Variants in SAXO4 observed in about 807,000 individuals in gnomAD.
The protein encoded by SAXO4 is protein phosphatase 1 regulatory subunit 32.
the SAXO4 span, chr11:61,490,792 C>T: frequency 8.5e-6 from 5 of 591,260 alleles, no homozygotes; most frequent in Non-Finnish European, 1.2e-5. Context: ...GCTCAGGCCT[C>T]GCCTCTGCTT....
At chr11:61,490,405 T>C in the SAXO4 span, 2 of 1,134,498 alleles carry the variant, frequency 1.8e-6, no homozygotes, top group South Asian at 2.5e-5. Flanking sequence ...GAACCCTGGC[T>C]ATGCTCTCTC....
the SAXO4 span, chr11:61,490,618 C>T: frequency 1.3e-6 from 2 of 1,568,486 alleles, no homozygotes; most frequent in African/African-American, 1.4e-5. Context: ...CTCAGCTGCT[C>T]TGGTTGTGTG....
the SAXO4 span, among the ~76,000 whole-genome samples, chr11:61,488,296 A>G: frequency 7.0e-5 from 9 of 128,202 alleles, no homozygotes; most frequent in Non-Finnish European, 1.4e-4. Flanking sequence ...CAAGAAGTAC[A>G]ATTCCTTTTT....
the SAXO4 span, among the ~76,000 whole-genome samples, chr11:61,490,339 C>T: frequency 1.3e-5 from 2 of 152,178 alleles, no homozygotes; most frequent in Non-Finnish European, 2.9e-5. Flanking sequence ...ACATTTATAT[C>T]AACAATGGCC....
At chr11:61,486,970 CCAG>C in the SAXO4 span, 1 of 1,613,992 alleles carries the variant, frequency 6.2e-7, no homozygotes, top group South Asian at 1.1e-5. Flanking sequence ...TGCCCAGAAC[CCAG>C]CAGCGTGAGT....
At chr11:61,482,356 G>C in the SAXO4 span, 10 of 1,614,044 alleles carry the variant, frequency 6.2e-6, no homozygotes, top group Middle Eastern at 1.6e-4. Flanking sequence ...GTAGGCACCG[G>C]CTACAAATCA....
chr11:61,485,483 GC>G, the SAXO4 span: 1 of 1,278,620 alleles, frequency 7.8e-7, no homozygotes, highest in Non-Finnish European at 1.1e-6. Context: ...CCTGGAGCTG[GC>G]CTAGGACTGA....
chr11:61,489,816 G>A, the SAXO4 span: 1 of 1,613,916 alleles, frequency 6.2e-7, no homozygotes, highest in Non-Finnish European at 8.5e-7. Flanking sequence ...TCTAGACCAG[G>A]AAGGCTGGAC....
the SAXO4 span, among the ~76,000 whole-genome samples, chr11:61,485,012 C>G: frequency 2.3e-4 from 35 of 152,324 alleles, 1 homozygote; most frequent in African/African-American, 8.4e-4. Flanking sequence ...TGGCTTCTCG[C>G]GATTTAACGC....
chr11:61,481,384 C>T, the SAXO4 span, among the ~76,000 whole-genome samples: 1 of 152,066 alleles, frequency 6.6e-6, no homozygotes, highest in Non-Finnish European at 1.5e-5. Context: ...CCAAGAATTC[C>T]CCAGGTAGTG....
chr11:61,484,730 G>T, the SAXO4 span: 1 of 1,613,676 alleles, frequency 6.2e-7, no homozygotes, highest in Non-Finnish European at 8.5e-7. Flanking sequence ...CGGGCCTCAG[G>T]CCATCACGGG....
the SAXO4 span, chr11:61,490,539 C>T: frequency 5.0e-6 from 8 of 1,614,156 alleles, no homozygotes; most frequent in Non-Finnish European, 5.9e-6. Context: ...CAGAACACAC[C>T]TCACAGCAGC....
the SAXO4 span, chr11:61,482,523 G>A: frequency 6.4e-7 from 1 of 1,563,766 alleles, no homozygotes; most frequent in Non-Finnish European, 8.8e-7. Flanking sequence ...CCTGCCCTAG[G>A]CTGGGGGTCC....
chr11:61,484,868 C>T, the SAXO4 span: 1,529 of 1,517,420 alleles, frequency 1.0e-3, 1 homozygote, highest in African/African-American at 4.4e-3. Flanking sequence ...GGGCCACACC[C>T]GCCTCTTCCT....
chr11:61,482,086 A>C, the SAXO4 span, among the ~76,000 whole-genome samples: 2 of 152,120 alleles, frequency 1.3e-5, no homozygotes, highest in African/African-American at 4.8e-5. Flanking sequence ...CTGTCCCTGC[A>C]ATTCTGTCAC....
chr11:61,487,092 C>CA, the SAXO4 span: 1 of 1,611,846 alleles, frequency 6.2e-7, no homozygotes, highest in African/African-American at 1.3e-5. Context: ...CCTCCACCCC[C>CA]AAATCCCCAC....
chr11:61,482,784 C>T, the SAXO4 span: 1 of 1,610,850 alleles, frequency 6.2e-7, no homozygotes, highest in South Asian at 1.1e-5. Flanking sequence ...GGGAGAAGCC[C>T]AGTGCGGGTC....
the SAXO4 span, among the ~76,000 whole-genome samples, chr11:61,483,124 C>G: frequency 6.6e-6 from 1 of 151,964 alleles, no homozygotes; most frequent in African/African-American, 2.4e-5. Flanking sequence ...ACTGTCCCCC[C>G]ACCATGGACA....
the SAXO4 span, chr11:61,482,521 A>G: frequency 6.4e-7 from 1 of 1,560,572 alleles, no homozygotes; most frequent in Non-Finnish European, 8.8e-7. Context: ...TGCCTGCCCT[A>G]GGCTGGGGGT....
Sources: allele counts gnomAD v4.1 joint callset (sites outside exome capture counted in the v4.1 genomes callset), GRCh38; gene constraint gnomAD v4.1.1; transcripts MANE v1.5; gene names NCBI Gene and HGNC (gene_info 2026-07-23, HGNC 2026-07-21).